The following KLRG1 variants were observed in gnomAD, a reference collection of about 807,000 sequenced individuals.
KLRG1 encodes killer cell lectin-like receptor subfamily G member 1.
In KLRG1, 16 loss-of-function variants were observed where a neutral mutation model predicts 21.8. The ratio of observed to expected loss-of-function variants is 0.73; its 90% confidence interval spans 0.50 to 1.11. KLRG1 has a LOEUF of 1.11. Among genes scored for constraint, KLRG1 ranks in the 50% most tolerant of loss-of-function variants. The pLI, the probability that KLRG1 is intolerant of heterozygous loss-of-function variation, is 0.00. For missense variants in KLRG1, 173 were observed against 218.3 expected, an observed-to-expected ratio of 0.79 and a Z score of 1.31; for synonymous variants, 69 against 75.9, an observed-to-expected ratio of 0.91 and a Z score of 0.47.
the KLRG1 span, among the ~76,000 whole-genome samples, chr12:9,143,329 C>A: frequency 6.6e-6 from 1 of 152,074 alleles, no homozygotes; most frequent in African/African-American, 2.4e-5. Context: ...GGTGGTTTGA[C>A]TGGTTGAAGC....
At chr12:9,215,077 T>C in the KLRG1 span, among the ~76,000 whole-genome samples, 2 of 152,020 alleles carry the variant, frequency 1.3e-5, no homozygotes, top group Admixed American at 6.6e-5. Context: ...AGTATTCCAA[T>C]AGAAAATTTT....
chr12:9,104,135 T>C, the KLRG1 span: 1 of 1,167,604 alleles, frequency 8.6e-7, no homozygotes, highest in Non-Finnish European at 1.2e-6. Flanking sequence ...CTAGTTTTTT[T>C]CTCTCCATAG....
the KLRG1 span, among the ~76,000 whole-genome samples, chr12:9,086,489 A>G: frequency 5.3e-5 from 8 of 152,368 alleles, no homozygotes; most frequent in South Asian, 1.7e-3. Flanking sequence ...TGTTCAACAT[A>G]TGCATATCAA....
the KLRG1 span, among the ~76,000 whole-genome samples, chr12:9,031,919 T>C: frequency 6.6e-6 from 1 of 152,212 alleles, no homozygotes; most frequent in African/African-American, 2.4e-5. Context: ...CGGAAATGTA[T>C]GGTCTGACAG....
chr12:9,067,716 C>T, the KLRG1 span: 1 of 936,314 alleles, frequency 1.1e-6, no homozygotes, highest in Non-Finnish European at 1.7e-6. Flanking sequence ...AAGACATTGA[C>T]CAGAAAAAGT....
At chr12:9,166,694 CTGT>C in the KLRG1 span, among the ~76,000 whole-genome samples, 2 of 152,136 alleles carry the variant, frequency 1.3e-5, no homozygotes, top group African/African-American at 2.4e-5. Flanking sequence ...CTTTGCAAAA[CTGT>C]TGTTCTCTGG....
the KLRG1 span, among the ~76,000 whole-genome samples, chr12:9,158,025 A>G: frequency 2.0e-4 from 31 of 152,288 alleles, no homozygotes; most frequent in South Asian, 6.2e-4. Flanking sequence ...ACTATCACAC[A>G]TGACAGCCTC....
the KLRG1 span, chr12:9,115,910 A>C: frequency 7.1e-7 from 1 of 1,415,324 alleles, no homozygotes; most frequent in Non-Finnish European, 1.0e-6. Context: ...CCTACAATCC[A>C]TCTGGTCCCA....
chr12:9,126,503 A>G, the KLRG1 span, among the ~76,000 whole-genome samples: 11 of 152,172 alleles, frequency 7.2e-5, no homozygotes, highest in Non-Finnish European at 1.5e-4. Flanking sequence ...AAGAATGCCT[A>G]ACTTACCTGC....
the KLRG1 span, chr12:9,196,399 G>A: frequency 6.2e-7 from 1 of 1,613,800 alleles, no homozygotes; most frequent in Non-Finnish European, 8.5e-7. Context: ...TGGATACAAT[G>A]TTTGTGATTT....
chr12:9,196,836 T>C, the KLRG1 span: 1 of 798,038 alleles, frequency 1.3e-6, no homozygotes, highest in Non-Finnish European at 2.0e-6. Context: ...ATCTGCTTTG[T>C]AACCTCCAAA....
At chr12:9,029,068 TA>T in the KLRG1 span, 1 of 508,922 alleles carries the variant, frequency 2.0e-6, no homozygotes. Context: ...TCAGGCTCTT[TA>T]GGAGACTCAG....
the KLRG1 span, among the ~76,000 whole-genome samples, chr12:9,210,429 C>T: frequency 1.3e-5 from 2 of 152,162 alleles, no homozygotes; most frequent in African/African-American, 4.8e-5. Context: ...CTAGACGCTG[C>T]AATTTTATTT....
the KLRG1 span, among the ~76,000 whole-genome samples, chr12:9,051,404 G>C: frequency 6.6e-6 from 1 of 152,102 alleles, no homozygotes; most frequent in South Asian, 2.1e-4. Context: ...GGGAAGACCA[G>C]CTGCAGAGAG....
At chr12:9,131,985 C>A in the KLRG1 span, among the ~76,000 whole-genome samples, 14 of 152,162 alleles carry the variant, frequency 9.2e-5, no homozygotes, top group South Asian at 2.9e-3. Context: ...TAGAAAACTG[C>A]TGGGTAGGGC....
At chr12:9,012,840 T>C (rs1170207168), downstream of KLRG1, among the ~76,000 whole-genome samples, 2 of 151,998 alleles carry the variant, frequency 1.3e-5, no homozygotes, top group African/African-American at 4.8e-5. Flanking sequence ...TGAAGAGTCC[T>C]TGGGCCTTGA....
the KLRG1 span, chr12:9,154,642 C>T: frequency 8.7e-6 from 14 of 1,614,024 alleles, no homozygotes; most frequent in East Asian, 1.1e-4. Context: ...CCACCTTGGG[C>T]GTTCTGCTGC....
chr12:9,152,148 T>G, the KLRG1 span: 6 of 1,101,334 alleles, frequency 5.4e-6, no homozygotes, highest in Non-Finnish European at 8.3e-6. Context: ...GGTTTTGATA[T>G]TGGTATGGTC....
chr12:9,182,070 G>T, the KLRG1 span: 1 of 1,613,754 alleles, frequency 6.2e-7, no homozygotes, highest in Non-Finnish European at 8.5e-7. Flanking sequence ...CGTGCAATGG[G>T]GGCAACGTCT....
Sources: gnomAD v4.1 joint callset for allele counts (sites outside exome capture counted in the v4.1 genomes callset) on GRCh38, gnomAD v4.1.1 for gene constraint, MANE v1.5 for transcripts, NCBI Gene and HGNC (gene_info 2026-07-23, HGNC 2026-07-21) for gene names.